TPST1: variants seen among roughly 807,000 people sequenced by gnomAD.
The protein encoded by TPST1 is tyrosylprotein sulfotransferase 1, also known as protein-tyrosine sulfotransferase 1.
In TPST1, 20 loss-of-function variants were observed where a neutral mutation model predicts 34.8. That is an observed-to-expected ratio of 0.57 (90% CI 0.40 to 0.84). The LOEUF is 0.84. TPST1 is among the 40% of genes least tolerant of loss of function. TPST1 has a pLI of 0.00. For missense variants in TPST1, 353 were observed against 455.5 expected (o/e 0.78, Z 2.05); for synonymous variants, 152 against 159.4 (o/e 0.95, Z 0.35).
intron 3 of TPST1, among the ~76,000 whole-genome samples, chr7:66,340,240 T>C (rs1349932602): frequency 6.6e-6 from 1 of 151,818 alleles, no homozygotes; most frequent in Non-Finnish European, 1.5e-5. Flanking sequence ...AGAAGGAACA[T>C]ATCTCAAACC....
chr7:66,233,688 G>A (rs1003968187), intron 1 of TPST1, among the ~76,000 whole-genome samples: 2 of 152,078 alleles, frequency 1.3e-5, no homozygotes, highest in African/African-American at 4.8e-5. Flanking sequence ...ACATAAATTG[G>A]AGAAAGTAAC....
chr7:66,203,517 A>T (rs1483932292), upstream of TPST1, among the ~76,000 whole-genome samples: 5 of 144,320 alleles, frequency 3.5e-5, no homozygotes, highest in Admixed American at 1.4e-4. Context: ...ACGGAGTCTC[A>T]CTCTGTTGCC....
chr7:66,242,175 C>G (rs1790049463), intron 2 of TPST1, among the ~76,000 whole-genome samples: 1 of 152,022 alleles, frequency 6.6e-6, no homozygotes, highest in African/African-American at 2.4e-5. Context: ...GGTAGCATCT[C>G]TTCATGAAGA....
chr7:66,349,443 A>C (rs1792425003), intron 3 of TPST1, among the ~76,000 whole-genome samples: 1 of 152,154 alleles, frequency 6.6e-6, no homozygotes, highest in African/African-American at 2.4e-5. Flanking sequence ...GTGGTGGTGC[A>C]TGCCTGTAAT....
At chr7:66,282,591 A>G (rs1790953429) in intron 2 of TPST1, among the ~76,000 whole-genome samples, 1 of 152,150 alleles carries the variant, frequency 6.6e-6, no homozygotes, top group Non-Finnish European at 1.5e-5. Context: ...GATCATACAG[A>G]CCTGACTTCC....
intron 3 of TPST1, among the ~76,000 whole-genome samples, chr7:66,299,302 T>TG (rs948614956): frequency 1.3e-5 from 2 of 151,212 alleles, no homozygotes; most frequent in African/African-American, 4.9e-5. Flanking sequence ...CTCTTAGGTT[T>TG]TTTTTTTTTT....
chr7:66,199,425 G>C, the TPST1 span, among the ~76,000 whole-genome samples: 303 of 150,982 alleles, frequency 2.0e-3, no homozygotes, highest in Non-Finnish European at 3.2e-3. Context: ...CTCCCGAGTA[G>C]CTGGGATTAC....
chr7:66,334,787 A>G (rs1792062719), intron 3 of TPST1, among the ~76,000 whole-genome samples: 1 of 152,128 alleles, frequency 6.6e-6, no homozygotes, highest in African/African-American at 2.4e-5. Context: ...CCAAGCTGGC[A>G]TAACACCACT....
chr7:66,270,370 A>G (rs1350054109), intron 2 of TPST1, among the ~76,000 whole-genome samples: 1 of 152,230 alleles, frequency 6.6e-6, no homozygotes, highest in Non-Finnish European at 1.5e-5. Flanking sequence ...GTTAAGAAAT[A>G]GAACCATATC....
At chr7:66,201,381 CAAAAA>C (rs138553925), upstream of TPST1, among the ~76,000 whole-genome samples, 1 of 73,518 alleles carries the variant, frequency 1.4e-5, no homozygotes, top group Non-Finnish European at 2.8e-5. Context: ...CCATCTCTAC[CAAAAA>C]AAAAAAAAAA....
At chr7:66,280,472 T>C (rs1790910806) in intron 2 of TPST1, among the ~76,000 whole-genome samples, 1 of 152,236 alleles carries the variant, frequency 6.6e-6, no homozygotes, top group South Asian at 2.1e-4. Context: ...TGATTTTGTA[T>C]CCTGAAACTT....
intron 1 of TPST1, among the ~76,000 whole-genome samples, chr7:66,208,622 C>T (rs1789181695): frequency 6.6e-6 from 1 of 152,020 alleles, no homozygotes; most frequent in Non-Finnish European, 1.5e-5. Context: ...GCGCCTGCCA[C>T]CACACCCAGC....
At chr7:66,343,235 A>C (rs1792275562) in intron 3 of TPST1, among the ~76,000 whole-genome samples, 1 of 152,186 alleles carries the variant, frequency 6.6e-6, no homozygotes. Context: ...AGATACAAAA[A>C]CAAGGATGTG....
intron 3 of TPST1, among the ~76,000 whole-genome samples, chr7:66,336,457 A>G (rs1792123882): frequency 6.6e-6 from 1 of 152,352 alleles, no homozygotes; most frequent in South Asian, 2.1e-4. Flanking sequence ...TAAACAATAC[A>G]GTAACTGAAC....
At chr7:66,296,911 C>T (rs563170836) in intron 3 of TPST1, among the ~76,000 whole-genome samples, 2 of 152,196 alleles carry the variant, frequency 1.3e-5, no homozygotes, top group East Asian at 1.9e-4. Context: ...TAGGTTACAT[C>T]GTCAGCCTTC....
intron 3 of TPST1, among the ~76,000 whole-genome samples, chr7:66,337,303 T>TA (rs1792139953): frequency 6.9e-6 from 1 of 144,624 alleles, no homozygotes; most frequent in Non-Finnish European, 1.5e-5. Flanking sequence ...AGACAAATTT[T>TA]TTTTTTTTTT....
intron 3 of TPST1, among the ~76,000 whole-genome samples, chr7:66,303,555 G>A (rs1160117356): frequency 2.0e-5 from 3 of 152,024 alleles, no homozygotes; most frequent in Non-Finnish European, 4.4e-5. Context: ...TGTTACAGGT[G>A]CATGCCACCA....
intron 2 of TPST1, among the ~76,000 whole-genome samples, chr7:66,254,017 A>AAG (rs1554345369): frequency 5.3e-5 from 8 of 151,276 alleles, no homozygotes; most frequent in Non-Finnish European, 1.2e-4. Flanking sequence ...AAAAAAAAAA[A>AAG]AAAGAAAGAA....
chr7:66,258,724 GA>G (rs147587670), intron 2 of TPST1, among the ~76,000 whole-genome samples: 2,440 of 152,270 alleles, frequency 0.016, 33 homozygotes, highest in Non-Finnish European at 0.023. Flanking sequence ...GAAGAGCTCA[GA>G]AAAAGTGTTA....
Sources: gnomAD v4.1 joint callset for allele counts (sites outside exome capture counted in the v4.1 genomes callset) on GRCh38, gnomAD v4.1.1 for gene constraint, MANE v1.5 for transcripts, NCBI Gene and HGNC (gene_info 2026-07-23, HGNC 2026-07-21) for gene names.